Variants in EML4 observed in about 807,000 individuals in gnomAD.
The protein encoded by EML4 is echinoderm microtubule-associated protein-like 4.
In EML4, 72 loss-of-function variants were observed where a neutral mutation model predicts 129.0. The observed-to-expected ratio is 0.56, with a 90% CI of 0.46 to 0.68. EML4 has a LOEUF of 0.68. EML4 is among the 30% of genes least tolerant of loss of function. The pLI, the probability that EML4 is intolerant of heterozygous loss-of-function variation, is 0.00. For synonymous variants in EML4, 532 were observed against 405.0 expected, an observed-to-expected ratio of 1.31 and a Z score of -3.77; for missense variants, 1,363 against 1,190.6, an observed-to-expected ratio of 1.14 and a Z score of -2.13.
intron 1 of EML4, among the ~76,000 whole-genome samples, chr2:42,222,527 C>T (rs1673673325): frequency 6.6e-6 from 1 of 152,092 alleles, no homozygotes; most frequent in Non-Finnish European, 1.5e-5. Flanking sequence ...ACAGCAGAGT[C>T]CAGTAATTGG....
chr2:42,187,710 T>C (rs1300467503), intron 1 of EML4, among the ~76,000 whole-genome samples: 4 of 152,162 alleles, frequency 2.6e-5, no homozygotes, highest in Non-Finnish European at 4.4e-5. Context: ...TTTGAGAGTA[T>C]TTTATATGCT....
At chr2:42,292,964 T>C (rs889589273) in intron 11 of EML4, among the ~76,000 whole-genome samples, 10 of 152,214 alleles carry the variant, frequency 6.6e-5, no homozygotes, top group Admixed American at 2.0e-4. Context: ...TCATGTAGTT[T>C]TGATTTGTCT....
At chr2:42,199,600 A>C (rs999308163) in intron 1 of EML4, among the ~76,000 whole-genome samples, 2 of 152,208 alleles carry the variant, frequency 1.3e-5, no homozygotes, top group Non-Finnish European at 1.5e-5. Flanking sequence ...GTTTTGACTC[A>C]GCTGGAATGG....
intron 14 of EML4, 61 bp from the exon 15 acceptor site, chr2:42,303,043 C>T (rs1668380108): frequency 6.5e-6 from 10 of 1,540,104 alleles, no homozygotes; most frequent in Non-Finnish European, 8.9e-6. Context: ...TAAATGCAGG[C>T]TTCGAGTAGT....
chr2:42,206,315 G>C (rs1326536727), intron 1 of EML4, among the ~76,000 whole-genome samples: 1 of 152,164 alleles, frequency 6.6e-6, no homozygotes, highest in East Asian at 1.9e-4. Flanking sequence ...CTGGGCTCAA[G>C]TGATCCTCCC....
chr2:42,242,769 TTTTTC>T (rs1160175804), intron 1 of EML4, among the ~76,000 whole-genome samples: 97 of 152,008 alleles, frequency 6.4e-4, no homozygotes, highest in African/African-American at 2.3e-3. Flanking sequence ...TCTCTTTTCT[TTTTTC>T]TTTTCTTTCT....
intron 1 of EML4, among the ~76,000 whole-genome samples, chr2:42,200,694 TAAC>T (rs1480267786): frequency 6.6e-6 from 1 of 152,264 alleles, no homozygotes; most frequent in Non-Finnish European, 1.5e-5. Context: ...CTAAATATCA[TAAC>T]AATTCTAAAT....
In EML4 at chr2:42,330,291, A is replaced by C; in HGVS notation, c.*84A>C. The C allele has an allele frequency of 1.7e-6, 2 of 1,208,250 alleles. No homozygotes were observed. Among genetic ancestry groups the C allele is most frequent in the African/African-American group, 3.0e-5 (2 of 67,146 alleles). The allele number at this position is 1,208,250 out of a possible 1,614,324, so 74.8% of individuals were successfully genotyped here. A position where few individuals can be genotyped will look rare whatever the true frequency, so the allele number is the denominator to read the frequency against. ...CAGGTAACAGGATGGGCAGTGATGG[A>C]GAATCACTGTTGATTGAGATTTTGG... On this transcript the variant is annotated 3_prime_UTR_variant, in exon 23 of 23. Transcript: ENST00000318522.
chr2:42,236,595 C>A (rs750781290), intron 1 of EML4, among the ~76,000 whole-genome samples: 1 of 152,194 alleles, frequency 6.6e-6, no homozygotes, highest in Non-Finnish European at 1.5e-5. Flanking sequence ...ACTGTGTGGT[C>A]TGCAAAGCCT....
intron 1 of EML4, among the ~76,000 whole-genome samples, chr2:42,202,889 G>C (rs977569709): frequency 6.6e-6 from 1 of 152,110 alleles, no homozygotes; most frequent in Non-Finnish European, 1.5e-5. Flanking sequence ...TTAGCCTGGT[G>C]GGGTGGTGTA....
chr2:42,282,648 C>G (rs1038619960), intron 7 of EML4, among the ~76,000 whole-genome samples, 175 bp from the exon 8 acceptor site: 2 of 152,294 alleles, frequency 1.3e-5, no homozygotes, highest in Admixed American at 6.5e-5. Flanking sequence ...CCACCTTGGC[C>G]TCCTGAAGGG....
At chr2:42,245,069 A>C (rs1675294323) in intron 1 of EML4, among the ~76,000 whole-genome samples, 1 of 97,668 alleles carries the variant, frequency 1.0e-5, no homozygotes, top group Non-Finnish European at 2.1e-5. Flanking sequence ...GATGTTATGG[A>C]GTTTTTTGTT....
chr2:42,283,096 C>A, intron 8 of EML4, 124 bp downstream of exon 8: 1 of 907,784 alleles, frequency 1.1e-6, no homozygotes, highest in South Asian at 2.0e-5. Context: ...TATTATGGGT[C>A]ATCTGTTGAA....
intron 1 of EML4, among the ~76,000 whole-genome samples, chr2:42,203,640 CT>C (rs3038374): frequency 4.7e-4 from 67 of 141,316 alleles, no homozygotes; most frequent in South Asian, 8.9e-4. Context: ...ATAGCCACCC[CT>C]TTTTTTTTTT....
chr2:42,244,105 T>TTTTG (rs1553374617), intron 1 of EML4, among the ~76,000 whole-genome samples: 1 of 103,662 alleles, frequency 9.6e-6, no homozygotes, highest in African/African-American at 2.8e-5. Flanking sequence ...TTTTTTGTTT[T>TTTTG]TTTTTTTTTT....
intron 14 of EML4, among the ~76,000 whole-genome samples, chr2:42,302,608 A>T (rs1329754763): frequency 1.3e-5 from 2 of 151,824 alleles, no homozygotes; most frequent in Non-Finnish European, 2.9e-5. Context: ...GTCTTGGCTA[A>T]CTGCAACCTC....
In EML4 at chr2:42,328,966, G is replaced by A. The variant is rs147745571; in HGVS notation, c.2422G>A (p.Asp808Asn). The A allele has an allele frequency of 6.2e-6, 10 of 1,613,102 alleles. No individual in the cohort carries two copies. Among genetic ancestry groups the A allele is most frequent in the Non-Finnish European group, 8.5e-6 (10 of 1,179,776 alleles). The part of the protein sequence containing the change: ...SHNRKVIAVA[D>N]DFCKVHLFQY... The stretch of plus-strand genomic sequence containing the variant: ...CAATAGAAAGGTGATAGCTGTTGCC[G>A]ATGACTTTTGTAAAGTCCATCTGTT... Residue 808 changes from aspartate (D) to asparagine (N), a missense_variant, in exon 22 of 23, where the codon GAT becomes AAT. Transcript: ENST00000318522.
intron 14 of EML4, 110 bp from the exon 15 acceptor site, chr2:42,302,993 TG>T (rs1359915891): frequency 1.0e-6 from 1 of 969,284 alleles, no homozygotes; most frequent in Non-Finnish European, 1.6e-6. Flanking sequence ...TATCCAAATT[TG>T]GGCTTTCGTC....
At chr2:42,237,742 A>G (rs1299074926) in intron 1 of EML4, among the ~76,000 whole-genome samples, 2 of 152,224 alleles carry the variant, frequency 1.3e-5, no homozygotes, top group African/African-American at 4.8e-5. Context: ...AGAAAATGTT[A>G]TTAAGAAAGT....
Sources: gnomAD v4.1 joint callset for allele counts (sites outside exome capture counted in the v4.1 genomes callset) on GRCh38, gnomAD v4.1.1 for gene constraint, MANE v1.5 for transcripts, NCBI Gene and HGNC (gene_info 2026-07-23, HGNC 2026-07-21) for gene names.